The following ETNK1 variants were observed in gnomAD, a reference collection of about 807,000 sequenced individuals.
The protein encoded by ETNK1 is putative protein product of Nbla10396.
ETNK1 carries 8 observed loss-of-function variants against 45.1 expected under a neutral mutation model. The ratio of observed to expected loss-of-function variants is 0.18; its 90% CI spans 0.10 to 0.32. The LOEUF (loss-of-function observed/expected upper bound fraction) is 0.32, where lower values mean the gene tolerates loss of function less well. Ranked by LOEUF, ETNK1 falls within the 10% of genes least tolerant of loss-of-function variation. ETNK1 has a pLI of 1.00. For synonymous variants in ETNK1, 152 were observed against 151.9 expected (o/e 1.00, Z -0.01); for missense variants, 302 against 430.6 (o/e 0.70, Z 2.64).
intron 1 of ETNK1, among the ~76,000 whole-genome samples, chr12:22,630,738 G>C (rs1953568555): frequency 1.3e-5 from 2 of 151,958 alleles, no homozygotes; most frequent in Non-Finnish European, 2.9e-5. Flanking sequence ...AGCCACCCAA[G>C]TAGCTTGGAT....
intron 1 of ETNK1, among the ~76,000 whole-genome samples, chr12:22,642,784 T>A (rs1225144979): frequency 1.3e-5 from 2 of 152,088 alleles, no homozygotes; most frequent in African/African-American, 2.4e-5. Context: ...CGCTTTTCTC[T>A]TTTCTTCCTT....
At chr12:22,628,654 GA>G (rs1235347078) in intron 1 of ETNK1, among the ~76,000 whole-genome samples, 14 of 152,036 alleles carry the variant, frequency 9.2e-5, no homozygotes, top group African/African-American at 3.4e-4. Context: ...AAGAGCTGAT[GA>G]ATTAGTGTTT....
chr12:22,671,049 T>C (rs1954102408), intron 4 of ETNK1: 1 of 430,958 alleles, frequency 2.3e-6, no homozygotes. Flanking sequence ...AAGTGGACAT[T>C]AGTGTTTATA....
chr12:22,655,328 G>GTTTTTTTTT (rs10586779), intron 2 of ETNK1, among the ~76,000 whole-genome samples: 2 of 122,782 alleles, frequency 1.6e-5, no homozygotes, highest in African/African-American at 6.0e-5. Context: ...GGGTTTGTTT[G>GTTTTTTTTT]TTTTTTTTTT....
At chr12:22,659,560 C>G (rs1174614667) in intron 3 of ETNK1, among the ~76,000 whole-genome samples, 1 of 152,190 alleles carries the variant, frequency 6.6e-6, no homozygotes, top group East Asian at 1.9e-4. Context: ...TGCTAGTTAA[C>G]ATTTCTGTTG....
chr12:22,660,921 G>T (rs2137556851), intron 3 of ETNK1, 142 bp from the exon 4 acceptor site: 3 of 646,426 alleles, frequency 4.6e-6, no homozygotes, highest in Non-Finnish European at 7.5e-6. Context: ...TCTAACTTTT[G>T]AAATAGAATA....
At chr12:22,647,878 G>A (rs1026499068) in intron 2 of ETNK1, among the ~76,000 whole-genome samples, 2 of 151,936 alleles carry the variant, frequency 1.3e-5, no homozygotes, top group Non-Finnish European at 2.9e-5. Flanking sequence ...AGCAGCGTTT[G>A]ACTTGATGTT....
chr12:22,630,372 C>A (rs1227825000), intron 1 of ETNK1, among the ~76,000 whole-genome samples: 1 of 152,020 alleles, frequency 6.6e-6, no homozygotes, highest in Non-Finnish European at 1.5e-5. Flanking sequence ...AGTAAGAGTC[C>A]TTGTACAACT....
chr12:22,644,281 A>G (rs1447837863), intron 2 of ETNK1: 2 of 1,605,058 alleles, frequency 1.2e-6, no homozygotes, highest in African/African-American at 2.7e-5. Context: ...CAGAGGGTCA[A>G]GGCTTCTGCT....
intron 4 of ETNK1, among the ~76,000 whole-genome samples, chr12:22,664,492 A>G (rs1278311958): frequency 6.6e-6 from 1 of 152,104 alleles, no homozygotes; most frequent in Non-Finnish European, 1.5e-5. Flanking sequence ...CACACATACT[A>G]TGAGCACCCT....
intron 3 of ETNK1, 47 bp downstream of exon 3, chr12:22,659,201 C>G: frequency 6.5e-7 from 1 of 1,545,956 alleles, no homozygotes; most frequent in Non-Finnish European, 8.8e-7. Context: ...TTGCTTTGCT[C>G]TATGATAGGG....
intron 1 of ETNK1, among the ~76,000 whole-genome samples, chr12:22,639,731 G>A (rs1953710915): frequency 6.6e-6 from 1 of 152,100 alleles, no homozygotes; most frequent in Non-Finnish European, 1.5e-5. Context: ...AGGTAGTGCA[G>A]TGTATTTCAT....
intron 6 of ETNK1, among the ~76,000 whole-genome samples, chr12:22,679,478 C>G (rs1954192515): frequency 6.6e-6 from 1 of 152,166 alleles, no homozygotes; most frequent in African/African-American, 2.4e-5. Flanking sequence ...TCCCAGTCCA[C>G]AGACTCAAAT....
intron 2 of ETNK1, among the ~76,000 whole-genome samples, chr12:22,657,095 G>A (rs375950253): frequency 1.3e-5 from 2 of 152,078 alleles, no homozygotes; most frequent in South Asian, 2.1e-4. Flanking sequence ...CAAGTTGCCT[G>A]GTGCTTAAGT....
chr12:22,637,845 TAGG>T (rs1026757491), intron 1 of ETNK1, among the ~76,000 whole-genome samples: 18 of 149,298 alleles, frequency 1.2e-4, no homozygotes, highest in Non-Finnish European at 2.3e-4. Flanking sequence ...TAAAGGAAGA[TAGG>T]AGAAGTGACA....
intron 4 of ETNK1, among the ~76,000 whole-genome samples, chr12:22,662,242 A>ATTTTTTTTTT (rs774396641): frequency 4.1e-5 from 3 of 73,404 alleles, no homozygotes; most frequent in African/African-American, 1.0e-4. Flanking sequence ...TAATTTTTGT[A>ATTTTTTTTTT]TTTTTTTTTT....
chr12:22,644,061 G>T (rs1412387199), intron 2 of ETNK1, 39 bp downstream of exon 2: 3 of 632,802 alleles, frequency 4.7e-6, no homozygotes, highest in Non-Finnish European at 7.5e-6. Context: ...TTGAAAAATA[G>T]GGCATTTAAG....
At chr12:22,656,184 G>A (rs926340630) in intron 2 of ETNK1, among the ~76,000 whole-genome samples, 16 of 152,244 alleles carry the variant, frequency 1.1e-4, no homozygotes, top group African/African-American at 3.9e-4. Flanking sequence ...TAACTGGACA[G>A]CTTCTAAGAT....
intron 4 of ETNK1, among the ~76,000 whole-genome samples, chr12:22,665,601 A>G (rs1197697551): frequency 1.3e-5 from 2 of 152,094 alleles, no homozygotes; most frequent in Non-Finnish European, 1.5e-5. Context: ...CCATTGCAAC[A>G]TTTCAGCTGT....
Sources: gnomAD v4.1 joint callset for allele counts (sites outside exome capture counted in the v4.1 genomes callset) on GRCh38, gnomAD v4.1.1 for gene constraint, MANE v1.5 for transcripts, NCBI Gene and HGNC (gene_info 2026-07-23, HGNC 2026-07-21) for gene names.